The following HCFC1 variants were observed in gnomAD, a reference collection of about 807,000 sequenced individuals.
The protein encoded by HCFC1 is host cell factor C1.
In HCFC1, 7 loss-of-function variants were observed where a neutral mutation model predicts 105.5. The ratio of observed to expected loss-of-function variants is 0.07; its 90% CI spans 0.04 to 0.12. The LOEUF is 0.12. Among genes scored for constraint, HCFC1 ranks in the 10% least tolerant of loss-of-function variants. The pLI is 1.00. For synonymous variants in HCFC1, 918 were observed against 828.1 expected (o/e 1.11, Z -1.86); for missense variants, 1,065 against 1,823.6 (o/e 0.58, Z 7.58).
intron 1 of HCFC1, chrX:153,969,840 A>G (rs2065508786): frequency 8.9e-6 from 1 of 112,064 alleles, no homozygotes; most frequent in African/African-American, 3.3e-5. Flanking sequence ...GGGGAGACAC[A>G]CGACTACGCA....
chrX:153,953,677 A>G lies in HCFC1; in HGVS notation c.4427T>C (p.Val1476Ala). The change falls in exon 18 of 26, where the codon GTG becomes GCG. Residue 1476 changes from valine to alanine, a missense_variant. Val to Ala is a moderately conservative substitution (Grantham distance 64, BLOSUM62 0). This residue lies in a region of HCFC1 where 546 missense variants were observed against 599.9 expected (regional missense o/e 0.91). Coordinates refer to ENST00000310441, the MANE Select transcript of HCFC1 (RefSeq NM_005334.3). ...CACAGCCCGCGTCAGTGTGGAGGAC[A>G]CGGTTGTCGTGATGGCACTGGAGCT... The part of the protein sequence containing the change: ...ITSSSAITTT[V>A]SSTLTRAVTT... 1 of 1,210,577 alleles carries G rather than the reference A, an allele frequency of 8.3e-7. No homozygotes were observed. The highest frequency in any genetic ancestry group is 3.0e-5 in the East Asian group (1 of 33,838).
chrX:153,964,233 G>T lies in HCFC1; in HGVS notation c.394C>A (p.Pro132Thr). 1 of 1,201,954 alleles carries T rather than the reference G, an allele frequency of 8.3e-7. No individual in the cohort carries two copies. Among genetic ancestry groups the T allele is most frequent in the Non-Finnish European group, 1.1e-6 (1 of 889,694 alleles). Residue 132 changes from proline (P) to threonine (T), a missense_variant, in exon 3 of 26, where the codon CCC (proline) becomes ACC (threonine). This residue lies in a region of HCFC1 where 38 missense variants were observed against 190.1 expected (regional missense o/e 0.20). Coordinates refer to ENST00000310441, the MANE Select transcript of HCFC1 (RefSeq NM_005334.3). ...TGCCCGAGTCGAGGACACGGAGGGGGCCCGTTTTTGGGCGTCTTTGCTTTG... is the reference window on the plus strand; with the variant it reads ...TGCCCGAGTCGAGGACACGGAGGGGTCCCGTTTTTGGGCGTCTTTGCTTTG... ...RLKAKTPKNG[P>T]PPCPRLGHSF...
At chrX:153,962,135 T>C in intron 5 of HCFC1, 87 bp downstream of exon 5, 1 of 704,664 alleles carries the variant, frequency 1.4e-6, no homozygotes. Flanking sequence ...GGCCTTAGGG[T>C]CTGACAGGAC....
intron 15 of HCFC1, 60 bp downstream of exon 15, chrX:153,956,565 G>A: frequency 8.4e-7 from 1 of 1,191,013 alleles, no homozygotes; most frequent in Non-Finnish European, 1.1e-6. Flanking sequence ...GGGGATTGAA[G>A]GCCAGCCCTG....
Position 153,959,314 on chromosome X carries a change from C to T in HCFC1, c.1605+17G>A, listed in dbSNP as rs782123121. The T allele has an allele frequency of 8.4e-7, 1 of 1,188,015 alleles. No homozygotes were observed. The highest frequency in any genetic ancestry group is 2.5e-5 in the Admixed American group (1 of 40,121). On this transcript the variant is annotated intron_variant, in intron 9 of 25. Coordinates refer to ENST00000310441, the MANE Select transcript of HCFC1 (RefSeq NM_005334.3). ...GATCAACAGGAAATCCCACCCGCCC[C>T]AGTGACCACTCCTCACCGTTCCCTG...
At position 153,954,046 on chromosome X, in the gene HCFC1, G is replaced by C. The variant is rs2148568582; in HGVS notation, c.4333+20C>G. ...GGGGGCTGGGAGACCATGAAAGCCA[G>C]GCTGGCCACCTTCACTTACCTTGGT... On this transcript the variant is annotated intron_variant, in intron 17 of 25. Transcript: ENST00000310441. The C allele has an allele frequency of 1.7e-6, 2 of 1,179,173 alleles. No homozygotes were observed. Among genetic ancestry groups the C allele is most frequent in the East Asian group, 6.0e-5 (2 of 33,448 alleles).
chrX:153,955,422 T>C lies in HCFC1; in HGVS notation c.2977A>G (p.Thr993Ala). The change falls in exon 17 of 26, where the codon ACA becomes GCA. Residue 993 changes from threonine (T) to alanine (A), a missense_variant. Physicochemically the swap from Thr to Ala is moderately conservative, Grantham distance 58. Around this residue, in one of 17 missense-constraint regions of HCFC1, gnomAD observed 546 missense variants for 599.9 expected, o/e 0.91. Coordinates refer to ENST00000310441, the MANE Select transcript of HCFC1 (RefSeq NM_005334.3). ...TGGCCTGAGTCGGCGATGGTAACTG[T>C]GGCGGTGGGCTGTTCTGTAGTCGGG... ...ASPTTEQPTA[T>A]VTIADSGQGD... is the part of the protein sequence containing the mutation. 2 of 1,210,870 alleles carry C rather than the reference T, an allele frequency of 1.7e-6. No homozygotes were observed. The highest frequency in any genetic ancestry group is 5.9e-5 in the East Asian group (2 of 33,842).
In HCFC1 at chrX:153,948,474, G is replaced by A; in HGVS notation, c.*873C>T. 1.8e-5 allele frequency: 2 copies of A among 108,269 alleles called. No individual in the cohort carries two copies. Among genetic ancestry groups the A allele is most frequent in the Middle Eastern group, 4.6e-3 (1 of 217 alleles). 8.9% of individuals were successfully genotyped at this position (108,269 alleles called of 1,213,427 possible). On this transcript the variant is annotated 3_prime_UTR_variant, in exon 26 of 26. Coordinates refer to ENST00000310441, the MANE Select transcript of HCFC1 (RefSeq NM_005334.3). ...ATCCCTGCCAAGAATTAGCCAAGAA[G>A]AAAAAAGTAAAAAAACAAAAACAAA...
In HCFC1 at chrX:153,954,707, C is replaced by T. The variant is rs1557114026; in HGVS notation, c.3692G>A (p.Gly1231Glu). 2 of 1,195,124 alleles carry T rather than the reference C, an allele frequency of 1.7e-6. No homozygotes were observed. Among genetic ancestry groups the T allele is most frequent in the Non-Finnish European group, 1.1e-6 (1 of 887,443 alleles). ...GGTGCTGACCGCATGGCTGTGGCGC[C>T]CCGCAGGAAGGTCCTTAATGCTTGG... ...SSPSIKDLPA[G>E]RHSHAVSTAA... The change falls in exon 17 of 26, where the codon GGG becomes GAG. Residue 1231 changes from glycine (G) to glutamate (E), a missense_variant. By Grantham distance (98) the Gly-to-Glu change is moderately conservative (BLOSUM62 -2). Coordinates refer to ENST00000310441, the MANE Select transcript of HCFC1 (RefSeq NM_005334.3).
intron 1 of HCFC1, chrX:153,969,691 CAACA>C (rs781814264): frequency 1.8e-5 from 2 of 113,154 alleles, no homozygotes; most frequent in South Asian, 7.2e-4. Context: ...GCAGAGGCAA[CAACA>C]AACGGCCCCC....
chrX:153,959,521 A>G, intron 8 of HCFC1, 30 bp from the exon 9 acceptor site: 2 of 1,207,182 alleles, frequency 1.7e-6, no homozygotes, highest in Non-Finnish European at 2.2e-6. Flanking sequence ...GCCGTCAGCC[A>G]TCACCTTCTG....
chrX:153,955,124 G>A lies in HCFC1; in HGVS notation c.3275C>T (p.Thr1092Ile). ...THETGTTNTA[T>I]TATSNMAGQH... ...CCCGGCCATGTTGGAGGTGGCGGTG[G>A]TGGCGGTGTTGGTGGTGCCCGTCTC... The change falls in exon 17 of 26, where the codon ACC becomes ATC. Residue 1092 changes from threonine to isoleucine, a missense_variant. Physicochemically the swap from Thr to Ile is moderately conservative, Grantham distance 89. Around this residue, in one of 17 missense-constraint regions of HCFC1, gnomAD observed 546 missense variants for 599.9 expected, o/e 0.91. Coordinates refer to ENST00000310441, the MANE Select transcript of HCFC1 (RefSeq NM_005334.3). 2 of 1,211,054 alleles carry A rather than the reference G, an allele frequency of 1.7e-6. No individual in the cohort carries two copies. Among genetic ancestry groups the A allele is most frequent in the Non-Finnish European group, 2.2e-6 (2 of 895,211 alleles).
Position 153,949,606 on chromosome X carries a change from T to C in HCFC1, c.6015A>G (p.Lys2005=). The part of the protein sequence containing the change: ...TQVRWLQETS[K]DSSGTKPANK... Reference sequence around the variant, plus strand: ...TGGCTGGCTTGGTGCCAGAGCTGTCTTTACTGGTTTCTGGAAGGAACGGGA... The same window carrying C: ...TGGCTGGCTTGGTGCCAGAGCTGTCCTTACTGGTTTCTGGAAGGAACGGGA... Residue 2005 remains lysine (K), a synonymous_variant, in exon 25 of 26, where the codon AAA becomes AAG. Coordinates refer to ENST00000310441, the MANE Select transcript of HCFC1 (RefSeq NM_005334.3). 8.3e-7 allele frequency: 1 copy of C among 1,209,804 alleles called. No homozygotes were observed.
chrX:153,957,280 T>C, intron 13 of HCFC1, 34 bp downstream of exon 13: 2 of 1,121,161 alleles, frequency 1.8e-6, no homozygotes, highest in Non-Finnish European at 2.4e-6. Flanking sequence ...CAGTGAGGAC[T>C]TGCAGACACT....
rs2148584844 is a variant in HCFC1 at position 153,958,659 on chromosome X, T to C, written c.1713A>G (p.Pro571=). 8.3e-7 allele frequency: 1 copy of C among 1,206,712 alleles called. No homozygotes were observed. The highest frequency in any genetic ancestry group is 1.1e-6 in the Non-Finnish European group (1 of 892,254). ...TGGTCTTCACGATGGTGGTACCCGC[T>C]GGGACACTCAGCACCGTGGGTGCCG... ...PSSAPTVLSV[P]AGTTIVKTMA... The change falls in exon 10 of 26, where the codon CCA becomes CCG. Residue 571 remains proline (P), a synonymous_variant. Coordinates refer to ENST00000310441, the MANE Select transcript of HCFC1 (RefSeq NM_005334.3).
chrX:153,957,771 T>C lies in HCFC1; in HGVS notation c.2133+11A>G. On this transcript the variant is annotated intron_variant, in intron 12 of 25. Transcript: ENST00000310441. ...CCCACTCTTGCGTATGTGCAAAGAC[T>C]GAGAGCTCACCTGGATGATCTGAGT... is the stretch of plus-strand genomic sequence containing the variant. The C allele has an allele frequency of 8.5e-7, 1 of 1,176,515 alleles. No homozygotes were observed. The highest frequency in any genetic ancestry group is 1.8e-5 in the African/African-American group (1 of 57,133).
rs1222618178 is a variant in HCFC1 at position 153,959,691 on chromosome X, C to T, written c.1444+111G>A. 17 of 1,044,087 alleles carry T rather than the reference C, an allele frequency of 1.6e-5. No individual in the cohort carries two copies. In the African/African-American group the frequency reaches 2.5e-4, roughly 15 times the overall value. The allele number at this position is 1,044,087 out of a possible 1,213,427, so 86.0% of individuals were successfully genotyped here. A position where few individuals can be genotyped will look rare whatever the true frequency, so the allele number is the denominator to read the frequency against. On this transcript the variant is annotated intron_variant, in intron 8 of 25. Coordinates refer to ENST00000310441, the MANE Select transcript of HCFC1 (RefSeq NM_005334.3). The stretch of plus-strand genomic sequence containing the variant: ...AACCCTTGGAGACAAGCCCAAAGCT[C>T]CCGGCTGCTGGCCTGCTGTCTAGGC...
intron 1 of HCFC1, among the ~76,000 whole-genome samples, chrX:153,968,217 T>C (rs1451190910): frequency 9.0e-6 from 1 of 111,134 alleles, no homozygotes; most frequent in Non-Finnish European, 1.9e-5. Context: ...GGAACTAAAA[T>C]TCCCTAAGGA....
chrX:153,961,161 C>T (rs1015124396), intron 6 of HCFC1, among the ~76,000 whole-genome samples: 1 of 112,414 alleles, frequency 8.9e-6, no homozygotes, highest in Non-Finnish European at 1.9e-5. Context: ...GCACTGCGTG[C>T]GCCAGGCTGC....
Sources: gnomAD v4.1 joint callset for allele counts (sites outside exome capture counted in the v4.1 genomes callset) on GRCh38, gnomAD v4.1.1 for gene constraint, gnomAD v4.1.1 regional missense constraint, MANE v1.5 for transcripts, NCBI Gene and HGNC (gene_info 2026-07-23, HGNC 2026-07-21) for gene names.